The following EPHA6 variants were observed in gnomAD, a reference collection of about 807,000 sequenced individuals.
The protein encoded by EPHA6 is EPH receptor A6, also known as ephrin type-A receptor 6.
A neutral mutation model predicts 112.0 loss-of-function variants in EPHA6; 50 were observed. The ratio of observed to expected loss-of-function variants is 0.45; its 90% CI spans 0.36 to 0.56. The LOEUF (loss-of-function observed/expected upper bound fraction) is 0.56, where lower values mean the gene tolerates loss of function less well. EPHA6 is among the 20% of genes least tolerant of loss of function. The pLI is 0.00. For synonymous variants in EPHA6, 529 were observed against 490.7 expected (o/e 1.08, Z -1.03); for missense variants, 1,280 against 1,417.4 (o/e 0.90, Z 1.56).
At chr3:97,627,854 C>T (rs1367169648) in intron 13 of EPHA6, among the ~76,000 whole-genome samples, 1 of 151,876 alleles carries the variant, frequency 6.6e-6, no homozygotes, top group African/African-American at 2.4e-5. Context: ...CCAGGCTTTA[C>T]CCCAGACCAA....
intron 3 of EPHA6, among the ~76,000 whole-genome samples, chr3:97,042,846 C>T (rs1021002105): frequency 2.0e-5 from 3 of 152,086 alleles, no homozygotes; most frequent in Non-Finnish European, 4.4e-5. Context: ...TCTTGACCAC[C>T]ACCTAACCAC....
intron 10 of EPHA6, among the ~76,000 whole-genome samples, chr3:97,528,576 C>T (rs144448792): frequency 1.5e-4 from 23 of 152,176 alleles, no homozygotes; most frequent in African/African-American, 4.6e-4. Flanking sequence ...GACCGTGGCT[C>T]TTTGCTTCAA....
At chr3:97,291,877 G>A (rs1244710954) in intron 5 of EPHA6, among the ~76,000 whole-genome samples, 1 of 152,214 alleles carries the variant, frequency 6.6e-6, no homozygotes, top group East Asian at 1.9e-4. Flanking sequence ...GGCCAGCTGT[G>A]CCTCTGCTTA....
At chr3:97,227,651 C>G (rs935191527) in intron 4 of EPHA6, among the ~76,000 whole-genome samples, 2 of 152,064 alleles carry the variant, frequency 1.3e-5, no homozygotes, top group African/African-American at 2.4e-5. Flanking sequence ...GTGAGGTGGT[C>G]AAAGACACAT....
chr3:96,933,322 T>G (rs2040426821), intron 2 of EPHA6, among the ~76,000 whole-genome samples: 2 of 152,194 alleles, frequency 1.3e-5, no homozygotes, highest in African/African-American at 4.8e-5. Context: ...CCTGGTTACA[T>G]TCCTCTGACT....
chr3:97,374,176 C>G (rs2108993076), intron 5 of EPHA6, among the ~76,000 whole-genome samples: 1 of 152,164 alleles, frequency 6.6e-6, no homozygotes, highest in African/African-American at 2.4e-5. Flanking sequence ...TATACCTCTC[C>G]ACACCTATTT....
chr3:96,889,045 G>A (rs553585971), intron 2 of EPHA6, among the ~76,000 whole-genome samples: 1 of 152,102 alleles, frequency 6.6e-6, no homozygotes, highest in Non-Finnish European at 1.5e-5. Context: ...GGCAAAATGC[G>A]GCCAGTCTCT....
intron 3 of EPHA6, among the ~76,000 whole-genome samples, chr3:97,056,830 G>C (rs2045869210): frequency 6.6e-6 from 1 of 151,980 alleles, no homozygotes; most frequent in Admixed American, 6.6e-5. Flanking sequence ...TTTCTCATAG[G>C]TCTGTTGTGA....
At chr3:97,466,316 TA>T in intron 7 of EPHA6, 1 of 1,519,552 alleles carries the variant, frequency 6.6e-7, no homozygotes, top group Non-Finnish European at 9.1e-7. Flanking sequence ...CAATGAGAAG[TA>T]ACTATACCTA....
At chr3:97,170,338 T>G (rs1227084777) in intron 3 of EPHA6, among the ~76,000 whole-genome samples, 1 of 152,152 alleles carries the variant, frequency 6.6e-6, no homozygotes, top group Non-Finnish European at 1.5e-5. Context: ...ACCACTGCTA[T>G]GAAGCTGCTT....
At chr3:97,076,120 T>C (rs6786234) in intron 3 of EPHA6, among the ~76,000 whole-genome samples, 4 of 151,996 alleles carry the variant, frequency 2.6e-5, no homozygotes, top group Non-Finnish European at 5.9e-5. Flanking sequence ...TCTCTCACTT[T>C]AAATAAAAAG....
intron 2 of EPHA6, among the ~76,000 whole-genome samples, chr3:96,983,823 C>A (rs374677823): frequency 6.6e-6 from 1 of 152,136 alleles, no homozygotes; most frequent in East Asian, 1.9e-4. Flanking sequence ...TCACTGATAC[C>A]CTTTTTTCCA....
At chr3:97,589,280 C>T (rs531177936) in intron 11 of EPHA6, among the ~76,000 whole-genome samples, 16 of 151,574 alleles carry the variant, frequency 1.1e-4, no homozygotes, top group South Asian at 2.1e-4. Context: ...CCCCTTGTTA[C>T]GGATTAAATA....
intron 3 of EPHA6, among the ~76,000 whole-genome samples, chr3:97,087,346 G>A (rs1215076371): frequency 1.3e-5 from 2 of 152,140 alleles, no homozygotes; most frequent in Admixed American, 6.5e-5. Flanking sequence ...CTTTGGAAGA[G>A]CAGCAAGGGT....
At chr3:97,307,106 C>T (rs2081352913) in intron 5 of EPHA6, among the ~76,000 whole-genome samples, 1 of 151,700 alleles carries the variant, frequency 6.6e-6, no homozygotes. Flanking sequence ...TCTGCATATT[C>T]CTAACAATGC....
intron 3 of EPHA6, among the ~76,000 whole-genome samples, chr3:97,103,203 GCC>G (rs1476732513): frequency 1.3e-5 from 2 of 151,950 alleles, no homozygotes; most frequent in African/African-American, 2.4e-5. Context: ...TTAAATCTTT[GCC>G]CATTCCTATG....
At chr3:97,224,031 GA>G (rs920171881) in intron 3 of EPHA6, among the ~76,000 whole-genome samples, 38 of 147,848 alleles carry the variant, frequency 2.6e-4, no homozygotes, top group Middle Eastern at 3.4e-3. Flanking sequence ...AATACTTCGA[GA>G]AAAAAAAAAT....
chr3:97,308,344 AG>A (rs2081407820), intron 5 of EPHA6, among the ~76,000 whole-genome samples: 1 of 151,710 alleles, frequency 6.6e-6, no homozygotes, highest in Non-Finnish European at 1.5e-5. Context: ...CACCTATAAA[AG>A]AAAGATTGGA....
intron 3 of EPHA6, among the ~76,000 whole-genome samples, chr3:97,214,925 A>G (rs1462079986): frequency 2.0e-5 from 3 of 152,226 alleles, no homozygotes; most frequent in Admixed American, 6.5e-5. Context: ...AGCAGCATCT[A>G]GAAAACATAA....
Sources: gnomAD v4.1 joint callset for allele counts (sites outside exome capture counted in the v4.1 genomes callset) on GRCh38, gnomAD v4.1.1 for gene constraint, MANE v1.5 for transcripts, NCBI Gene and HGNC (gene_info 2026-07-23, HGNC 2026-07-21) for gene names.